The following CEBPZOS variants were observed in gnomAD, a reference collection of about 807,000 sequenced individuals.
The protein encoded by CEBPZOS is CEBPZ opposite strand.
CEBPZOS carries 10 observed loss-of-function variants against 4.8 expected under a neutral mutation model. The ratio of observed to expected loss-of-function variants is 2.07; its 90% CI spans 1.28 to 3.52. The LOEUF (loss-of-function observed/expected upper bound fraction) is 3.52, where lower values mean the gene tolerates loss of function less well. Ranked by LOEUF, CEBPZOS falls within the 30% of genes most tolerant of loss-of-function variation. CEBPZOS has a pLI of 0.00. For synonymous variants in CEBPZOS, 25 were observed against 14.2 expected (o/e 1.77, Z -1.72); for missense variants, 98 against 43.6 (o/e 2.25, Z -3.51).
chr2:37,197,756 C>T (rs1378731775), intron 1 of CEBPZOS, among the ~76,000 whole-genome samples: 2 of 152,172 alleles, frequency 1.3e-5, no homozygotes, highest in African/African-American at 4.8e-5. Context: ...ATCCCAGCTA[C>T]TCGGGAGGCT....
At chr2:37,207,672 A>C (rs1164188725), downstream of CEBPZOS, among the ~76,000 whole-genome samples, 1 of 152,234 alleles carries the variant, frequency 6.6e-6, no homozygotes, top group Non-Finnish European at 1.5e-5. Context: ...TAGTAAGTTC[A>C]CAGCATTAAA....
In CEBPZOS at chr2:37,203,034, A is replaced by G. The variant is rs776125465; in HGVS notation, c.*1174A>G. The G allele has an allele frequency of 7.1e-7, 1 of 1,415,594 alleles. No individual in the cohort carries two copies. The highest frequency in any genetic ancestry group is 1.4e-5 in the South Asian group (1 of 73,022). The allele number at this position is 1,415,594 out of a possible 1,614,324, so 87.7% of individuals were successfully genotyped here. ...CTAAAAAAAATTGTAAGTCTACATTATTCAATTATAAATCTAATGATTTTA... is the reference window on the plus strand; with the variant it reads ...CTAAAAAAAATTGTAAGTCTACATTGTTCAATTATAAATCTAATGATTTTA... On this transcript the variant is annotated 3_prime_UTR_variant, in exon 5 of 5. Transcript: ENST00000402297.
chr2:37,216,037 G>T, downstream of CEBPZOS: 1 of 802,116 alleles, frequency 1.2e-6, no homozygotes. Flanking sequence ...TGTCTTTGAT[G>T]CTCAGGTTTT....
Position 37,201,898 on chromosome 2 carries a change from T to G in CEBPZOS, c.*38T>G, listed in dbSNP as rs1490374332. On this transcript the variant is annotated 3_prime_UTR_variant, in exon 5 of 5. Coordinates refer to ENST00000402297, the MANE Select transcript of CEBPZOS (RefSeq NM_001322374.2). Reference sequence around the variant, plus strand: ...CGTTCAGCCTCCCATCTAAGCTGTTTGAGACCTTTGAGAGAAGAAGAAAAG... The same window carrying G: ...CGTTCAGCCTCCCATCTAAGCTGTTGGAGACCTTTGAGAGAAGAAGAAAAG... 1 of 1,612,098 alleles carries G rather than the reference T, an allele frequency of 6.2e-7. No individual in the cohort carries two copies. Among genetic ancestry groups the G allele is most frequent in the African/African-American group, 1.3e-5 (1 of 74,668 alleles).
chr2:37,210,716 AGAACT>A, intron 4 of CEBPZOS: 1 of 297,146 alleles, frequency 3.4e-6, no homozygotes, highest in Non-Finnish European at 6.4e-6. Flanking sequence ...TCACTACTAA[AGAACT>A]TACCTATGTA....
rs1677269124 is a variant in CEBPZOS, at chr2:37,202,013, T to G, written c.*153T>G. 1.1e-6 allele frequency: 1 copy of G among 932,254 alleles called. No individual in the cohort carries two copies. Among genetic ancestry groups the G allele is most frequent in the Non-Finnish European group, 1.6e-6 (1 of 622,206 alleles). The allele number at this position is 932,254 out of a possible 1,614,324, so 57.7% of individuals were successfully genotyped here. A position where few individuals can be genotyped will look rare whatever the true frequency, so the allele number is the denominator to read the frequency against. On this transcript the variant is annotated 3_prime_UTR_variant, in exon 5 of 5. Transcript: ENST00000402297. ...ACTTCTAGCCTGCCTTGGCCTGTGG[T>G]TTCCCACCCACTATACAAACCCACT...
intron 4 of CEBPZOS, chr2:37,211,252 C>T (rs1421644045): frequency 4.5e-6 from 2 of 440,138 alleles, no homozygotes; most frequent in Admixed American, 8.0e-5. Flanking sequence ...GAGAAAAAGA[C>T]TCTAAGAATT....
chr2:37,203,996 G>C lies in CEBPZOS; in HGVS notation c.*2136G>C, dbSNP rs1451465704. Reference sequence around the variant, plus strand: ...TAATAGTGCTGCTGTGAACAATCATGTACAAGTCTTTGTATCAGAGCCACT... The same window carrying C: ...TAATAGTGCTGCTGTGAACAATCATCTACAAGTCTTTGTATCAGAGCCACT... On this transcript the variant is annotated 3_prime_UTR_variant, in exon 5 of 5. Coordinates refer to ENST00000402297, the MANE Select transcript of CEBPZOS (RefSeq NM_001322374.2). 6.6e-6 allele frequency: 1 copy of C among 152,120 alleles called. No individual in the cohort carries two copies. Among genetic ancestry groups the C allele is most frequent in the Non-Finnish European group, 1.5e-5 (1 of 68,026 alleles). 9.4% of individuals were successfully genotyped at this position (152,120 alleles called of 1,614,324 possible).
chr2:37,199,895 T>G, intron 2 of CEBPZOS, 76 bp downstream of exon 2: 1 of 657,998 alleles, frequency 1.5e-6, no homozygotes. Context: ...TAAATGGCAA[T>G]GGCATGTTTG....
intron 2 of CEBPZOS, 69 bp downstream of exon 2, chr2:37,199,888 A>G (rs1191131074): frequency 1.5e-6 from 1 of 668,818 alleles, no homozygotes; most frequent in Non-Finnish European, 2.8e-6. Flanking sequence ...TATGTGTTAA[A>G]TGGCAATGGC....
rs576135933 is a variant in CEBPZOS at position 37,203,016 on chromosome 2, A to T, written c.*1156A>T. On this transcript the variant is annotated 3_prime_UTR_variant, in exon 5 of 5. Coordinates refer to ENST00000402297, the MANE Select transcript of CEBPZOS (RefSeq NM_001322374.2). ...TTTTCTTTTTTCTTGGCCCTAAAAA[A>T]AATTGTAAGTCTACATTATTCAATT... 6 of 1,521,820 alleles carry T rather than the reference A, an allele frequency of 3.9e-6. No homozygotes were observed. The African/African-American group carries it at 7.0e-5, about 18-fold the overall frequency. 94.3% of individuals were successfully genotyped at this position (1,521,820 alleles called of 1,614,324 possible).
At chr2:37,211,267 CA>C in intron 4 of CEBPZOS, 1 of 432,072 alleles carries the variant, frequency 2.3e-6, no homozygotes, top group Non-Finnish European at 4.1e-6. Context: ...AGAATTGGCA[CA>C]GTTCTAATAT....
chr2:37,212,302 A>C lies in CEBPZOS; in HGVS notation c.*3-1135A>C, dbSNP rs1175492655. On this transcript the variant is annotated intron_variant, in intron 4 of 4. Transcript: ENST00000397064. ...GGGACAACAATTTGGGAAATGCTAG[A>C]AAAATAGGAAGGAGAAGATAGAAGT... 3.1e-6 allele frequency: 5 copies of C among 1,589,120 alleles called. No homozygotes were observed. In the African/African-American group the frequency reaches 6.7e-5, roughly 21 times the overall value.
intron 4 of CEBPZOS, chr2:37,212,041 T>C (rs776690290): frequency 2.5e-6 from 4 of 1,574,140 alleles, no homozygotes; most frequent in Non-Finnish European, 3.4e-6. Context: ...TTCACGTTTC[T>C]GGAAAAAAAC....
chr2:37,214,166 C>A (rs1677809294), downstream of CEBPZOS, among the ~76,000 whole-genome samples: 1 of 152,084 alleles, frequency 6.6e-6, no homozygotes, highest in South Asian at 2.1e-4. Flanking sequence ...AAGTGTAATA[C>A]ATTTCAAAGA....
rs1677471361 is a variant in CEBPZOS at position 37,204,728 on chromosome 2, A to C, written c.*2868A>C. On this transcript the variant is annotated 3_prime_UTR_variant, in exon 5 of 5. Coordinates refer to ENST00000402297, the MANE Select transcript of CEBPZOS (RefSeq NM_001322374.2). ...ATTAATAAATCTGAATCAATTAATA[A>C]ATCTGTTTAAAATTCCTTGCCTCTT... 2 of 152,214 alleles carry C rather than the reference A, an allele frequency of 1.3e-5. No homozygotes were observed. Among genetic ancestry groups the C allele is most frequent in the African/African-American group, 2.4e-5 (1 of 41,456 alleles). 9.4% of individuals were successfully genotyped at this position (152,214 alleles called of 1,614,324 possible).
At chr2:37,215,986 T>C (rs1307614376), downstream of CEBPZOS, 3 of 526,278 alleles carry the variant, frequency 5.7e-6, no homozygotes, top group South Asian at 7.4e-5. Context: ...TCAGATACAG[T>C]AGATTTAAGA....
chr2:37,214,989 G>C (rs774973990), downstream of CEBPZOS: 1 of 1,299,628 alleles, frequency 7.7e-7, no homozygotes, highest in African/African-American at 1.5e-5. Flanking sequence ...ACTTCATATA[G>C]CAATCCCCTT....
At chr2:37,212,072 A>AGGCAGTATTTTCTAAAGT (rs750593278) in intron 4 of CEBPZOS, 20 of 1,541,042 alleles carry the variant, frequency 1.3e-5, no homozygotes, top group Non-Finnish European at 1.5e-5. Flanking sequence ...ATACAAGAGG[A>AGGCAGTATTTTCTAAAGT]GGCAGTATTT....
Sources: allele counts gnomAD v4.1 joint callset (sites outside exome capture counted in the v4.1 genomes callset), GRCh38; gene constraint gnomAD v4.1.1; transcripts MANE v1.5; gene names NCBI Gene and HGNC (gene_info 2026-07-23, HGNC 2026-07-21).